The following RPGRIP1L variants were observed in gnomAD, a reference collection of about 807,000 sequenced individuals.
RPGRIP1L encodes protein fantom.
In RPGRIP1L, 131 loss-of-function variants were observed where a neutral mutation model predicts 160.4. The observed-to-expected ratio is 0.82, with a 90% confidence interval of 0.71 to 0.94. The LOEUF (loss-of-function observed/expected upper bound fraction) is 0.94, where lower values mean the gene tolerates loss of function less well. Ranked by LOEUF, RPGRIP1L falls within the 40% of genes least tolerant of loss-of-function variation. The pLI is 0.00. For synonymous variants in RPGRIP1L, 510 were observed against 515.8 expected (o/e 0.99, Z 0.15); for missense variants, 1,522 against 1,535.8 (o/e 0.99, Z 0.15).
chr16:53,683,137 T>A (rs2151300229), intron 6 of RPGRIP1L, among the ~76,000 whole-genome samples: 1 of 152,194 alleles, frequency 6.6e-6, no homozygotes, highest in Admixed American at 6.5e-5. Flanking sequence ...TCTTCATACA[T>A]TACCACATAA....
chr16:53,618,932 T>C (rs952085611), intron 24 of RPGRIP1L, 93 bp downstream of exon 24: 1 of 1,018,504 alleles, frequency 9.8e-7, no homozygotes, highest in Non-Finnish European at 1.5e-6. Context: ...ATGTGAATAT[T>C]AGAGAAATAA....
In RPGRIP1L at chr16:53,619,141, T is replaced by C; in HGVS notation, c.3500A>G (p.Asp1167Gly). ...CTCAACAAACAGCCGTTGGATAGTG[T>C]CATCCATGGTTACTTGAGAATCATT... ...SLNDSQVTMDDTIQRLFVECR... is the reference protein window; with the variant it reads ...SLNDSQVTMDGTIQRLFVECR... Residue 1167 changes from aspartate (D) to glycine (G), a missense_variant, in exon 24 of 27, where the codon GAC (aspartate) becomes GGC (glycine). Physicochemically the swap from Asp to Gly is moderately conservative, Grantham distance 94 (BLOSUM62 -1). Coordinates refer to ENST00000647211, the MANE Select transcript of RPGRIP1L (RefSeq NM_015272.5). 1 of 1,613,970 alleles carries C rather than the reference T, an allele frequency of 6.2e-7. No individual in the cohort carries two copies. The highest frequency in any genetic ancestry group is 1.1e-5 in the South Asian group (1 of 91,066).
chr16:53,624,715 C>T (rs1022702375), intron 22 of RPGRIP1L, among the ~76,000 whole-genome samples: 4 of 152,020 alleles, frequency 2.6e-5, no homozygotes, highest in Admixed American at 6.6e-5. Flanking sequence ...TACTTTTCTG[C>T]ATGTTTGAAA....
chr16:53,673,964 A>T (rs1386647669), intron 7 of RPGRIP1L, among the ~76,000 whole-genome samples: 2 of 152,174 alleles, frequency 1.3e-5, no homozygotes, highest in East Asian at 3.8e-4. Context: ...TCAAAGTGAT[A>T]AGAGAATGTA....
At chr16:53,680,995 G>A (rs2151291324) in intron 6 of RPGRIP1L, among the ~76,000 whole-genome samples, 1 of 152,332 alleles carries the variant, frequency 6.6e-6, no homozygotes, top group East Asian at 1.9e-4. Flanking sequence ...GGTTATGTGA[G>A]TGCTCACTCA....
intron 6 of RPGRIP1L, among the ~76,000 whole-genome samples, chr16:53,677,963 A>T (rs1467749375): frequency 3.3e-5 from 5 of 152,200 alleles, no homozygotes; most frequent in African/African-American, 1.2e-4. Flanking sequence ...ATGAACTCTG[A>T]CAGTCATGGA....
At chr16:53,636,350 A>C in intron 22 of RPGRIP1L, 89 bp downstream of exon 22, 4 of 947,798 alleles carry the variant, frequency 4.2e-6, no homozygotes, top group Non-Finnish European at 6.8e-6. Context: ...AGTTTTCCTT[A>C]AGATTTTTAT....
chr16:53,617,009 T>C (rs1598234780), intron 24 of RPGRIP1L, among the ~76,000 whole-genome samples: 1 of 136,522 alleles, frequency 7.3e-6, no homozygotes, highest in Non-Finnish European at 1.5e-5. Flanking sequence ...GAAGTGGAGG[T>C]TGCAGTAAGC....
rs752281072 is a variant in RPGRIP1L at position 53,671,373 on chromosome 16, T to C, written c.1103+137A>G. ...TGCCTTTAAAAAGCTTGTATTTCCT[T>C]TATACAGTTTGCATATTTCTTGCTA... On this transcript the variant is annotated intron_variant, in intron 9 of 26. Transcript: ENST00000647211. 5 of 643,120 alleles carry C rather than the reference T, an allele frequency of 7.8e-6. No homozygotes were observed. In the East Asian group the frequency reaches 1.1e-4, roughly 14 times the overall value. 39.8% of individuals were successfully genotyped at this position (643,120 alleles called of 1,614,324 possible). A position where few individuals can be genotyped will look rare whatever the true frequency, so the allele number is the denominator to read the frequency against.
chr16:53,670,711 C>T (rs886847476), intron 9 of RPGRIP1L, among the ~76,000 whole-genome samples: 9 of 152,224 alleles, frequency 5.9e-5, no homozygotes, highest in African/African-American at 1.4e-4. Flanking sequence ...CTTTGCTTTT[C>T]CCTAACAGAA....
intron 22 of RPGRIP1L, among the ~76,000 whole-genome samples, chr16:53,633,666 T>C (rs1405381946): frequency 6.6e-6 from 1 of 152,216 alleles, no homozygotes; most frequent in Non-Finnish European, 1.5e-5. Flanking sequence ...GGGCATGATT[T>C]CTGCAACACT....
At chr16:53,624,140 C>A (rs879398357) in intron 22 of RPGRIP1L, among the ~76,000 whole-genome samples, 1 of 152,244 alleles carries the variant, frequency 6.6e-6, no homozygotes, top group African/African-American at 2.4e-5. Context: ...AATCCTCCCA[C>A]CTCGACCTCT....
intron 24 of RPGRIP1L, among the ~76,000 whole-genome samples, chr16:53,613,358 G>A (rs1964172516): frequency 6.6e-6 from 1 of 151,640 alleles, no homozygotes. Context: ...TACCCAGGCT[G>A]GAGTGCAGTG....
chr16:53,625,821 G>C (rs1965112693), intron 22 of RPGRIP1L, among the ~76,000 whole-genome samples: 1 of 152,170 alleles, frequency 6.6e-6, no homozygotes, highest in Admixed American at 6.5e-5. Context: ...GCCTTGGGAT[G>C]CTGTTAATCT....
intron 24 of RPGRIP1L, among the ~76,000 whole-genome samples, chr16:53,614,858 A>C (rs928026038): frequency 6.6e-6 from 1 of 152,238 alleles, no homozygotes; most frequent in Non-Finnish European, 1.5e-5. Flanking sequence ...AAAAGGATAC[A>C]AACTGGTAGT....
Position 53,649,002 on chromosome 16 carries a change from T to G in RPGRIP1L, c.2266A>C (p.Ile756Leu). Residue 756 changes from isoleucine to leucine, a missense_variant, in exon 16 of 27, where the codon ATA becomes CTA. Ile to Leu is a conservative substitution (Grantham distance 5). Coordinates refer to ENST00000647211, the MANE Select transcript of RPGRIP1L (RefSeq NM_015272.5). ...TCTGGCCCCTTAAAATTTGATGTTA[T>G]ATACCCCAAAGCCTTTGCCCTTTCT... ...YRERAKALGY[I>L]TSNFKGPEHM... 1 of 1,614,102 alleles carries G rather than the reference T, an allele frequency of 6.2e-7. No homozygotes were observed. The highest frequency in any genetic ancestry group is 8.5e-7 in the Non-Finnish European group (1 of 1,179,942).
chr16:53,698,246 C>G (rs1157734073), intron 2 of RPGRIP1L, among the ~76,000 whole-genome samples: 1 of 151,624 alleles, frequency 6.6e-6, no homozygotes, highest in Non-Finnish European at 1.5e-5. Context: ...CTCCGCCCGG[C>G]AGCCGACCCG....
chr16:53,619,100 G>T lies in RPGRIP1L; in HGVS notation c.3541C>A (p.Leu1181Ile), dbSNP rs905516252. The T allele has an allele frequency of 1.1e-5, 18 of 1,613,948 alleles. No individual in the cohort carries two copies. The highest frequency in any genetic ancestry group is 1.5e-5 in the Non-Finnish European group (18 of 1,179,968). Reference sequence around the variant, plus strand: ...GACACGGGTGTCTCTTCAGCAGGAAGACTGTAGAATCGACACTCAACAAAC... The same window carrying T: ...GACACGGGTGTCTCTTCAGCAGGAATACTGTAGAATCGACACTCAACAAAC... Reference protein sequence around the residue: ...RLFVECRFYSLPAEETPVSLP... With the variant: ...RLFVECRFYSIPAEETPVSLP... The change falls in exon 24 of 27, where the codon CTT becomes ATT. Residue 1181 changes from leucine to isoleucine, a missense_variant. Physicochemically the swap from Leu to Ile is conservative, Grantham distance 5. Transcript: ENST00000647211.
rs774787183 is a variant in RPGRIP1L at position 53,641,465 on chromosome 16, C to T, written c.2694G>A (p.Glu898=). The part of the protein sequence containing the change: ...AHDRCISGIF[E]LTDHQKHPAG... ...CAGGATGCTTTTGATGGTCTGTTAA[C>T]TCAAATATTCCTGTCAAATTACAAT... Residue 898 remains glutamate (E), a synonymous_variant, in exon 18 of 27, where the codon GAG becomes GAA. Coordinates refer to ENST00000647211, the MANE Select transcript of RPGRIP1L (RefSeq NM_015272.5). The T allele has an allele frequency of 4.3e-6, 7 of 1,612,782 alleles. No individual in the cohort carries two copies. The East Asian group carries it at 1.6e-4, about 36-fold the overall frequency.
Sources: gnomAD v4.1 joint callset for allele counts (sites outside exome capture counted in the v4.1 genomes callset) on GRCh38, gnomAD v4.1.1 for gene constraint, MANE v1.5 for transcripts, NCBI Gene and HGNC (gene_info 2026-07-23, HGNC 2026-07-21) for gene names.